The following WDR7 variants were observed in gnomAD, a reference collection of about 807,000 sequenced individuals.
WDR7 encodes the protein WD repeat domain 7.
In WDR7, 46 loss-of-function variants were observed where a neutral mutation model predicts 169.4. The observed-to-expected ratio is 0.27, with a 90% CI of 0.21 to 0.35. The LOEUF (loss-of-function observed/expected upper bound fraction) is 0.35, where lower values mean the gene tolerates loss of function less well. Ranked by LOEUF, WDR7 falls within the 10% of genes least tolerant of loss-of-function variation. The pLI is 1.00. For synonymous variants in WDR7, 612 were observed against 666.8 expected, an observed-to-expected ratio of 0.92 and a Z score of 1.27; for missense variants, 1,534 against 1,859.3, an observed-to-expected ratio of 0.83 and a Z score of 3.22.
At chr18:56,999,351 GA>G (rs1271927348) in intron 26 of WDR7, among the ~76,000 whole-genome samples, 3 of 152,140 alleles carry the variant, frequency 2.0e-5, no homozygotes, top group African/African-American at 7.2e-5. Context: ...GGAGATATTA[GA>G]GATAAATATT....
At chr18:56,931,274 T>C (rs1225297264) in intron 22 of WDR7, among the ~76,000 whole-genome samples, 1 of 152,204 alleles carries the variant, frequency 6.6e-6, no homozygotes, top group Non-Finnish European at 1.5e-5. Flanking sequence ...TGACACTCCT[T>C]TAATTTCAAA....
At chr18:56,758,021 G>A (rs1455677308) in intron 15 of WDR7, among the ~76,000 whole-genome samples, 4 of 151,718 alleles carry the variant, frequency 2.6e-5, no homozygotes, top group African/African-American at 9.7e-5. Context: ...TGTAACATAT[G>A]TAATGATTGA....
intron 13 of WDR7, among the ~76,000 whole-genome samples, chr18:56,720,921 G>T (rs1027259637): frequency 6.6e-6 from 1 of 152,226 alleles, no homozygotes; most frequent in Admixed American, 6.5e-5. Context: ...ACCATAATGG[G>T]AGGCATACAT....
At chr18:56,943,996 T>G (rs1253867701) in intron 25 of WDR7, among the ~76,000 whole-genome samples, 1 of 138,024 alleles carries the variant, frequency 7.2e-6, no homozygotes, top group East Asian at 2.0e-4. Flanking sequence ...TTTTTTTTTT[T>G]TTTTTTTTTT....
chr18:56,969,319 C>T (rs2047452171), intron 26 of WDR7, among the ~76,000 whole-genome samples: 1 of 152,154 alleles, frequency 6.6e-6, no homozygotes, highest in Admixed American at 6.6e-5. Flanking sequence ...CTGCTGACAG[C>T]CTAAATTAGG....
downstream of WDR7, chr18:57,031,851 A>G (rs1373550917): frequency 6.6e-6 from 1 of 152,246 alleles, no homozygotes; most frequent in African/African-American, 2.4e-5. Flanking sequence ...AGAGTGGCAC[A>G]CAGGAAGCAC....
intron 20 of WDR7, among the ~76,000 whole-genome samples, chr18:56,827,538 T>G (rs2045229357): frequency 1.3e-5 from 2 of 149,288 alleles, no homozygotes; most frequent in Non-Finnish European, 1.5e-5. Context: ...AGAAGGAGGG[T>G]AGAGAGCCTA....
chr18:56,655,541 G>A (rs1307331968), intron 1 of WDR7, among the ~76,000 whole-genome samples: 1 of 151,034 alleles, frequency 6.6e-6, no homozygotes, highest in Non-Finnish European at 1.5e-5. Flanking sequence ...GATCACCTAA[G>A]CCTGGGAAGG....
intron 14 of WDR7, among the ~76,000 whole-genome samples, chr18:56,755,669 G>A (rs79695593): frequency 0.013 from 2,015 of 152,284 alleles, 21 homozygotes; most frequent in East Asian, 0.033. Context: ...TTAGGAGACT[G>A]GTCTGGCTGA....
intron 14 of WDR7, among the ~76,000 whole-genome samples, chr18:56,748,697 G>A (rs80344614): frequency 0.038 from 5,851 of 152,096 alleles, 345 homozygotes; most frequent in African/African-American, 0.13. Flanking sequence ...GTCTGTGACT[G>A]TATTGTCATT....
intron 20 of WDR7, among the ~76,000 whole-genome samples, chr18:56,829,063 G>T (rs1349986592): frequency 6.7e-6 from 1 of 150,214 alleles, no homozygotes; most frequent in African/African-American, 2.5e-5. Flanking sequence ...TACGAGGATA[G>T]CTTCAGACCA....
At chr18:56,810,958 C>G (rs988054219) in intron 19 of WDR7, among the ~76,000 whole-genome samples, 4 of 150,160 alleles carry the variant, frequency 2.7e-5, no homozygotes, top group African/African-American at 9.9e-5. Flanking sequence ...CCACCCACCT[C>G]AGCCCTAGGC....
At chr18:56,930,338 G>C (rs562218308) in intron 22 of WDR7, among the ~76,000 whole-genome samples, 1 of 152,310 alleles carries the variant, frequency 6.6e-6, no homozygotes, top group South Asian at 2.1e-4. Flanking sequence ...AGTGGAGACA[G>C]AAACACATCA....
chr18:56,776,736 G>A (rs1435514220), intron 16 of WDR7, 46 bp from the exon 17 acceptor site: 10 of 1,542,204 alleles, frequency 6.5e-6, no homozygotes, highest in African/African-American at 1.4e-5. Flanking sequence ...AGAAACTGCT[G>A]TACTTCAATT....
chr18:57,027,243 T>C lies in WDR7; in HGVS notation c.*36T>C. 2 of 1,572,452 alleles carry C rather than the reference T, an allele frequency of 1.3e-6. No individual in the cohort carries two copies. The highest frequency in any genetic ancestry group is 2.4e-5 in the East Asian group (1 of 42,048). On this transcript the variant is annotated 3_prime_UTR_variant, in exon 28 of 28. Transcript: ENST00000254442. ...TGCCGCCGTGACTGCGTTTTAGTTC[T>C]CTAAATTATCCAAGCCGATGTTGCT...
At chr18:56,759,026 T>A (rs2144955358) in intron 16 of WDR7, 73 bp downstream of exon 16, 2 of 1,214,578 alleles carry the variant, frequency 1.6e-6, no homozygotes, top group Non-Finnish European at 2.3e-6. Context: ...AGCTAATGTA[T>A]AATCATAATA....
chr18:56,896,564 C>T (rs566015775), intron 21 of WDR7, among the ~76,000 whole-genome samples: 109 of 151,780 alleles, frequency 7.2e-4, no homozygotes, highest in African/African-American at 2.6e-3. Context: ...TTTATATAGA[C>T]CTAGCATTGT....
chr18:56,685,219 C>T (rs998103273), intron 5 of WDR7, among the ~76,000 whole-genome samples: 5 of 152,070 alleles, frequency 3.3e-5, no homozygotes, highest in African/African-American at 7.2e-5. Flanking sequence ...TTTCCCTTGG[C>T]GTGTCTTAAT....
Position 56,691,279 on chromosome 18 carries a change from A to G in WDR7, c.781A>G (p.Thr261Ala), listed in dbSNP as rs1390100618. The G allele has an allele frequency of 2.5e-6, 4 of 1,609,114 alleles. No individual in the cohort carries two copies. Among genetic ancestry groups the G allele is most frequent in the Middle Eastern group, 3.3e-4 (2 of 6,050 alleles). ...TCCTAGTGAAAATGGACAGACATGG[A>G]CCGGGGGGGACTTTGTCTCATCAGA... ...SGPSENGQTW[T>A]GGDFVSSDKV... Residue 261 changes from threonine (T) to alanine (A), a missense_variant, in exon 8 of 28, where the codon ACC becomes GCC. Transcript: ENST00000254442.
Sources: gnomAD v4.1 joint callset for allele counts (sites outside exome capture counted in the v4.1 genomes callset) on GRCh38, gnomAD v4.1.1 for gene constraint, MANE v1.5 for transcripts, NCBI Gene and HGNC (gene_info 2026-07-23, HGNC 2026-07-21) for gene names.